ESPL1: variants seen among roughly 807,000 people sequenced by gnomAD.
The protein encoded by ESPL1 is separin.
Under a neutral mutation model 217.2 loss-of-function variants are expected in ESPL1, and 50 were observed. The observed-to-expected ratio is 0.23, with a 90% CI of 0.18 to 0.29. The LOEUF is 0.29. Among genes scored for constraint, ESPL1 ranks in the 10% least tolerant of loss-of-function variants. The pLI is 1.00. For missense variants in ESPL1, 1,834 were observed against 2,603.0 expected, an observed-to-expected ratio of 0.70 and a Z score of 6.43; for synonymous variants, 994 against 1,081.3, an observed-to-expected ratio of 0.92 and a Z score of 1.58.
At position 53,277,974 on chromosome 12, in the gene ESPL1, G is replaced by T. The variant is rs780250466; in HGVS notation, c.2364+14G>T. On this transcript the variant is annotated intron_variant, in intron 11 of 30. Transcript: ENST00000257934. ...CTGGTGGCAAAGGTAATGGGGTGGG[G>T]CATTGAGGGGGACCCATATAAACAA... is the stretch of plus-strand genomic sequence containing the variant. 15 of 1,611,470 alleles carry T rather than the reference G, an allele frequency of 9.3e-6. No homozygotes were observed. The highest frequency in any genetic ancestry group is 1.3e-5 in the Non-Finnish European group (15 of 1,179,178).
rs773912624 is a variant in ESPL1, at chr12:53,289,320, C to T, written c.4922+17C>T. ...ACAGCTCAGGTGGGTGCTGACCATCCCCAAGACTCCTGCTGGGGCAGACTA... is the reference window on the plus strand; with the variant it reads ...ACAGCTCAGGTGGGTGCTGACCATCTCCAAGACTCCTGCTGGGGCAGACTA... On this transcript the variant is annotated intron_variant, in intron 21 of 30. Coordinates refer to ENST00000257934, the MANE Select transcript of ESPL1 (RefSeq NM_012291.5). The T allele has an allele frequency of 3.7e-6, 6 of 1,610,810 alleles. No individual in the cohort carries two copies. In the South Asian group the frequency reaches 4.4e-5, roughly 12 times the overall value.
chr12:53,290,467 G>A lies in ESPL1; in HGVS notation c.5362G>A (p.Glu1788Lys). Residue 1788 changes from glutamate to lysine, a missense_variant and splice_region_variant, in exon 24 of 31, where the codon GAG becomes AAG. Transcript: ENST00000257934. ...TGRLALDHRM[E>K]VLIASLEKSV... ...GCGGCTGGCACTGGACCACAGGATG[G>A]AGGTGTGTGCTTCTGGGGTGGGGTC... 2 of 1,612,352 alleles carry A rather than the reference G, an allele frequency of 1.2e-6. No individual in the cohort carries two copies. The highest frequency in any genetic ancestry group is 1.7e-6 in the Non-Finnish European group (2 of 1,179,454).
At chr12:53,279,660 G>A in intron 11 of ESPL1, 72 bp from the exon 12 acceptor site, 2 of 1,597,652 alleles carry the variant, frequency 1.3e-6, no homozygotes, top group Non-Finnish European at 1.7e-6. Flanking sequence ...GGTCCCAAAG[G>A]GCTGGGGAGC....
chr12:53,277,018 C>T (rs2120908847), intron 8 of ESPL1, 65 bp from the exon 9 acceptor site: 1 of 1,583,812 alleles, frequency 6.3e-7, no homozygotes, highest in South Asian at 1.1e-5. Flanking sequence ...TGCAGCTAGC[C>T]CTTCCCAGGG....
intron 13 of ESPL1, 141 bp downstream of exon 13, chr12:53,281,767 C>T (rs1288573677): frequency 3.7e-6 from 3 of 803,556 alleles, no homozygotes; most frequent in Non-Finnish European, 6.0e-6. Context: ...TATTTCCTAG[C>T]CTTGCCCTCG....
chr12:53,292,224 A>G lies in ESPL1; in HGVS notation c.5797-54A>G. On this transcript the variant is annotated intron_variant, in intron 27 of 30. Transcript: ENST00000257934. This position sits in a 1 kb window ranked among gnomAD's most constrained non-coding sequence, Gnocchi z 4.5. The stretch of plus-strand genomic sequence containing the variant: ...CATGGAAAGGGGCTGAGATTGTTAG[A>G]GCTTGGGCCTCTTGGTGAGACAAGC... The G allele has an allele frequency of 6.8e-7, 1 of 1,468,128 alleles. No individual in the cohort carries two copies. The highest frequency in any genetic ancestry group is 9.5e-7 in the Non-Finnish European group (1 of 1,047,320). The allele number at this position is 1,468,128 out of a possible 1,614,324, so 90.9% of individuals were successfully genotyped here. A position where few individuals can be genotyped will look rare whatever the true frequency, so the allele number is the denominator to read the frequency against.
intron 6 of ESPL1, among the ~76,000 whole-genome samples, chr12:53,273,919 G>A (rs1250970622): frequency 5.2e-5 from 6 of 114,360 alleles, no homozygotes; most frequent in Admixed American, 1.2e-4. Flanking sequence ...GCAGTGGCAC[G>A]ATCTCGGCTC....
chr12:53,275,367 A>C (rs1237967993), intron 7 of ESPL1, among the ~76,000 whole-genome samples: 1 of 152,134 alleles, frequency 6.6e-6, no homozygotes, highest in African/African-American at 2.4e-5. Context: ...AGGCTGAGGC[A>C]GGAGAATGGC....
Position 53,277,579 on chromosome 12 carries a change from A to G in ESPL1, c.2195A>G (p.Asn732Ser). The G allele has an allele frequency of 6.2e-7, 1 of 1,614,196 alleles. No homozygotes were observed. Among genetic ancestry groups the G allele is most frequent in the African/African-American group, 1.3e-5 (1 of 75,050 alleles). ...CAGGAAGATCGTTTCCTATACAGTA[A>G]CATTGCCTTCAACCTGGCTGCAGAT... ...KLQEDRFLYS[N>S]IAFNLAADAA... is the part of the protein sequence containing the mutation. Residue 732 changes from asparagine (N) to serine (S), a missense_variant, in exon 10 of 31, where the codon AAC becomes AGC. Asn to Ser is a conservative substitution (Grantham distance 46, BLOSUM62 1). Around this residue, in one of 5 missense-constraint regions of ESPL1, gnomAD observed 746 missense variants for 1,077.0 expected, o/e 0.69. Transcript: ENST00000257934.
intron 20 of ESPL1, 42 bp downstream of exon 20, chr12:53,288,741 G>T (rs1180668524): frequency 6.4e-7 from 1 of 1,558,484 alleles, no homozygotes; most frequent in Non-Finnish European, 8.7e-7. Context: ...GGAGAGGGCT[G>T]AGCCTCTAGG....
chr12:53,270,759 C>T lies in ESPL1; in HGVS notation c.1330C>T (p.Leu444=). 1 of 1,614,176 alleles carries T rather than the reference C, an allele frequency of 6.2e-7. No individual in the cohort carries two copies. The highest frequency in any genetic ancestry group is 8.5e-7 in the Non-Finnish European group (1 of 1,180,034). The part of the protein sequence containing the change: ...VVWMLEALEG[L]SGQELTDHMG... ...CTGGATGCTGGAGGCCTTAGAGGGCCTGTCGGGCCAAGAGCTGACGGACCA... is the reference window on the plus strand; with the variant it reads ...CTGGATGCTGGAGGCCTTAGAGGGCTTGTCGGGCCAAGAGCTGACGGACCA... Residue 444 remains leucine, a synonymous_variant, in exon 5 of 31, where the codon CTG becomes TTG. Coordinates refer to ENST00000257934, the MANE Select transcript of ESPL1 (RefSeq NM_012291.5).
intron 14 of ESPL1, 25 bp from the exon 15 acceptor site, chr12:53,283,104 C>G: frequency 6.2e-7 from 1 of 1,613,862 alleles, no homozygotes; most frequent in Non-Finnish European, 8.5e-7. Flanking sequence ...TGCATCTTCT[C>G]CCTTTTTCAC....
In ESPL1 at chr12:53,283,366, G is replaced by A. The variant is rs1943895937; in HGVS notation, c.2921-16G>A. The A allele has an allele frequency of 1.2e-6, 2 of 1,613,860 alleles. No individual in the cohort carries two copies. Among genetic ancestry groups the A allele is most frequent in the East Asian group, 2.2e-5 (1 of 44,874 alleles). ...ACTGTGGCTGAGTGATGGTGGTCTT[G>A]TCTCTTTTGCTACAGGTGAAAATCT... On this transcript the variant is annotated splice_polypyrimidine_tract_variant and intron_variant, in intron 15 of 30. Transcript: ENST00000257934.
rs757464917 is a variant in ESPL1 at position 53,282,300 on chromosome 12, C to T, written c.2656C>T (p.Arg886Trp). 3 of 1,614,120 alleles carry T rather than the reference C, an allele frequency of 1.9e-6. No homozygotes were observed. The highest frequency in any genetic ancestry group is 2.5e-6 in the Non-Finnish European group (3 of 1,180,014). ...KGVSLLLSVLRDPALQKSSKA... is the reference protein window; with the variant it reads ...KGVSLLLSVLWDPALQKSSKA... ...TGTCTCTCTGCTGCTGTCTGTGCTT[C>T]GGGATCCTGCCCTCCAGAAGTCCTC... is the stretch of plus-strand genomic sequence containing the variant. The change falls in exon 14 of 31, where the codon CGG becomes TGG. Residue 886 changes from arginine to tryptophan, a missense_variant. Arg to Trp is a moderately radical substitution (Grantham distance 101). This residue lies in a region of ESPL1 where 746 missense variants were observed against 1,077.0 expected (regional missense o/e 0.69). Coordinates refer to ENST00000257934, the MANE Select transcript of ESPL1 (RefSeq NM_012291.5). This position sits in a 1 kb window ranked among gnomAD's most constrained non-coding sequence, Gnocchi z 4.0.
At chr12:53,276,092 C>T (rs1383370927) in intron 7 of ESPL1, among the ~76,000 whole-genome samples, 1 of 151,988 alleles carries the variant, frequency 6.6e-6, no homozygotes, top group South Asian at 2.1e-4. Flanking sequence ...AGTCTATTTA[C>T]ACTTGGTTAG....
At chr12:53,275,627 TG>T (rs998445235) in intron 7 of ESPL1, among the ~76,000 whole-genome samples, 1 of 152,138 alleles carries the variant, frequency 6.6e-6, no homozygotes, top group Non-Finnish European at 1.5e-5. Flanking sequence ...CTGTGCTACT[TG>T]GGGGGTATAG....
At chr12:53,278,064 G>T in intron 11 of ESPL1, 104 bp downstream of exon 11, 1 of 1,201,614 alleles carries the variant, frequency 8.3e-7, no homozygotes, top group Admixed American at 2.2e-5. Context: ...AGCCATGAAA[G>T]CCAGTGATGG....
In ESPL1 at chr12:53,291,978, G is replaced by A. The variant is rs1324156080; in HGVS notation, c.5692-6G>A. On this transcript the variant is annotated splice_region_variant and splice_polypyrimidine_tract_variant and intron_variant, in intron 26 of 30. Coordinates refer to ENST00000257934, the MANE Select transcript of ESPL1 (RefSeq NM_012291.5). ...GGACAGTAACCTCTTAGTGCTTTTTGCCCAGGACTTGCAGAAGCTGCCGTG... is the reference window on the plus strand; with the variant it reads ...GGACAGTAACCTCTTAGTGCTTTTTACCCAGGACTTGCAGAAGCTGCCGTG... 1 of 1,613,028 alleles carries A rather than the reference G, an allele frequency of 6.2e-7. No individual in the cohort carries two copies. Among genetic ancestry groups the A allele is most frequent in the Admixed American group, 1.7e-5 (1 of 59,808 alleles).
In ESPL1 at chr12:53,288,052, C is replaced by T; in HGVS notation, c.4257C>T (p.Gly1419=). 1 of 1,613,574 alleles carries T rather than the reference C, an allele frequency of 6.2e-7. No individual in the cohort carries two copies. The highest frequency in any genetic ancestry group is 8.5e-7 in the Non-Finnish European group (1 of 1,180,018). ...AWLAEEPKRR[G]TASRGRGRAR... ...TGGCAGAGGAGCCTAAGAGACGGGG[C>T]ACTGCTTCCCGGGGCCGGGGGCGAG... The change falls in exon 19 of 31, where the codon GGC becomes GGT. Residue 1419 remains glycine, a synonymous_variant. Coordinates refer to ENST00000257934, the MANE Select transcript of ESPL1 (RefSeq NM_012291.5).
Sources: gnomAD v4.1 joint callset for allele counts (sites outside exome capture counted in the v4.1 genomes callset) on GRCh38, gnomAD v4.1.1 for gene constraint, gnomAD v4.1.1 regional missense constraint, Gnocchi (gnomAD v3.1) non-coding constraint, MANE v1.5 for transcripts, NCBI Gene and HGNC (gene_info 2026-07-23, HGNC 2026-07-21) for gene names.